The following ACSM5 variants were observed in gnomAD, a reference collection of about 807,000 sequenced individuals.
ACSM5 encodes acyl-coenzyme A synthetase ACSM5, mitochondrial.
ACSM5 carries 56 observed loss-of-function variants against 71.6 expected under a neutral mutation model. The observed-to-expected ratio is 0.78, with a 90% CI of 0.63 to 0.98. The LOEUF is 0.98. Ranked by LOEUF, ACSM5 falls within the 50% of genes least tolerant of loss-of-function variation. The pLI is 0.00. For missense variants in ACSM5, 723 were observed against 726.0 expected, an observed-to-expected ratio of 1.00 and a Z score of 0.05; for synonymous variants, 285 against 281.5, an observed-to-expected ratio of 1.01 and a Z score of -0.12.
chr16:20,438,337 G>T (rs201247314), intron 12 of ACSM5, among the ~76,000 whole-genome samples: 2 of 151,508 alleles, frequency 1.3e-5, no homozygotes, highest in East Asian at 3.9e-4. Context: ...TGGACTGCTT[G>T]CAACTGTATC....
In ACSM5 at chr16:20,437,362, G is replaced by C; in HGVS notation, c.1531G>C (p.Gly511Arg). The C allele has an allele frequency of 1.9e-6, 3 of 1,611,880 alleles. No homozygotes were observed. Among genetic ancestry groups the C allele is most frequent in the Non-Finnish European group, 2.5e-6 (3 of 1,178,286 alleles). Residue 511 changes from glycine (G) to arginine (R), a missense_variant, in exon 12 of 14, where the codon GGA (glycine) becomes CGA (arginine). Gly to Arg is a moderately radical substitution (Grantham distance 125). Transcript: ENST00000331849. ...GGTCAGCAGCCCAGACCCCATCAGG[G>C]GAGAGGTAACCAGTGCACCCAAGAA... The part of the protein sequence containing the change: ...AVVSSPDPIR[G>R]EVVKAFIVLT...
rs12921643 is a variant in ACSM5 at position 20,427,798 on chromosome 16, A to C, written c.932A>C (p.Lys311Thr). Reference sequence around the variant, plus strand: ...TTTGTTTTTGTTTAGACTCTCTCCAAATTCCCGATAACCACCCTCTGCTGT... The same window carrying C: ...TTTGTTTTTGTTTAGACTCTCTCCACATTCCCGATAACCACCCTCTGCTGT... ...DAKVILNTLSKFPITTLCCVP... is the reference protein window; with the variant it reads ...DAKVILNTLSTFPITTLCCVP... The change falls in exon 7 of 14, where the codon AAA (lysine) becomes ACA (threonine). Residue 311 changes from lysine (K) to threonine (T), a missense_variant. Physicochemically the swap from Lys to Thr is moderately conservative, Grantham distance 78 (BLOSUM62 -1). Coordinates refer to ENST00000331849, the MANE Select transcript of ACSM5 (RefSeq NM_017888.3). The C allele has an allele frequency of 9.7e-5, 156 of 1,613,362 alleles. No individual in the cohort carries two copies. The highest frequency in any genetic ancestry group is 4.1e-4 in the African/African-American group (31 of 74,884).
chr16:20,429,893 A>G (rs8062563), intron 8 of ACSM5, 92 bp downstream of exon 8: 474,524 of 1,490,290 alleles, frequency 0.32, 81,968 homozygotes, highest in African/African-American at 0.63. Context: ...CTTCTCAGGG[A>G]CCACCCTTCC....
chr16:20,419,049 A>G (rs923575738), intron 3 of ACSM5, among the ~76,000 whole-genome samples, 179 bp from the exon 4 acceptor site: 13 of 152,264 alleles, frequency 8.5e-5, no homozygotes, highest in Admixed American at 1.3e-4. Flanking sequence ...TGCTGAGTGA[A>G]TAAGTGATCA....
At chr16:20,427,001 T>C (rs1414183264) in intron 6 of ACSM5, among the ~76,000 whole-genome samples, 1 of 151,122 alleles carries the variant, frequency 6.6e-6, no homozygotes, top group African/African-American at 2.4e-5. Context: ...AGCTGGAAAA[T>C]TGCTTAAAAG....
chr16:20,419,500 G>A (rs1966869049), intron 4 of ACSM5, 65 bp downstream of exon 4: 3 of 1,477,782 alleles, frequency 2.0e-6, no homozygotes, highest in Non-Finnish European at 2.8e-6. Context: ...AACAAAAGAT[G>A]AAATGCATTG....
At position 20,416,540 on chromosome 16, in the gene ACSM5, T is replaced by C. The variant is rs113871753; in HGVS notation, c.205-1519T>C. Among the ~76,000 whole-genome samples the C allele has an allele frequency of 9.8e-3, 1,487 of 152,258 alleles. 10 individuals are homozygous for C. Among genetic ancestry groups the C allele is most frequent in the Non-Finnish European group, 0.014 (927 of 67,988 alleles). On this transcript the variant is annotated intron_variant, in intron 2 of 13. Transcript: ENST00000331849. ...GTGTGTTCACATGCAAAAGAATTAA[T>C]TGAGTCTCCTACCTGACCCTAAATA...
intron 10 of ACSM5, among the ~76,000 whole-genome samples, chr16:20,434,745 G>A (rs1462893688): frequency 6.6e-6 from 1 of 152,054 alleles, no homozygotes; most frequent in Non-Finnish European, 1.5e-5. Context: ...ATAGGCTTTG[G>A]CACTTTCTTG....
chr16:20,437,094 T>A lies in ACSM5; in HGVS notation c.1351T>A (p.Tyr451Asn). The change falls in exon 11 of 14, where the codon TAC becomes AAC. Residue 451 changes from tyrosine (Y) to asparagine (N), a missense_variant. By Grantham distance (143) the Tyr-to-Asn change is moderately radical. Coordinates refer to ENST00000331849, the MANE Select transcript of ACSM5 (RefSeq NM_017888.3). Reference sequence around the variant, plus strand: ...AGCTGCATCAGAACAAGGGGACTTTTACATCACAGGGGACCGAGCTCGCAT... The same window carrying A: ...AGCTGCATCAGAACAAGGGGACTTTAACATCACAGGGGACCGAGCTCGCAT... ...KTAASEQGDF[Y>N]ITGDRARMDK... 1.9e-6 allele frequency: 3 copies of A among 1,614,202 alleles called. No individual in the cohort carries two copies. The highest frequency in any genetic ancestry group is 2.5e-6 in the Non-Finnish European group (3 of 1,180,032).
At chr16:20,429,340 C>T (rs1163258616) in intron 7 of ACSM5, among the ~76,000 whole-genome samples, 1 of 150,010 alleles carries the variant, frequency 6.7e-6, no homozygotes, top group Non-Finnish European at 1.5e-5. Context: ...ATTCATCTAT[C>T]CTTTTCAATC....
Position 20,431,439 on chromosome 16 carries a change from A to G in ACSM5, c.1308+118A>G, listed in dbSNP as rs534667927. 2.1e-4 allele frequency: 163 copies of G among 779,908 alleles called. No homozygotes were observed. The African/African-American group carries it at 2.6e-3, about 13-fold the overall frequency. The allele number at this position is 779,908 out of a possible 1,614,324, so 48.3% of individuals were successfully genotyped here. On this transcript the variant is annotated intron_variant, in intron 10 of 13. Transcript: ENST00000331849. ...CAATGACTGCATGAGGTAGGTTGCT[A>G]CTATTATTAATAAAGTTCTGTTATT...
intron 4 of ACSM5, 103 bp from the exon 5 acceptor site, chr16:20,421,155 G>A: frequency 7.2e-7 from 1 of 1,390,854 alleles, no homozygotes; most frequent in East Asian, 2.6e-5. Context: ...CACCTCACAT[G>A]TGGTATTTAT....
At chr16:20,418,904 A>G (rs1385244427) in intron 3 of ACSM5, among the ~76,000 whole-genome samples, 1 of 152,182 alleles carries the variant, frequency 6.6e-6, no homozygotes, top group Non-Finnish European at 1.5e-5. Flanking sequence ...TATCCCTTGC[A>G]GGAGGTTAGG....
chr16:20,422,373 G>C (rs1966896858), intron 5 of ACSM5, among the ~76,000 whole-genome samples: 1 of 152,158 alleles, frequency 6.6e-6, no homozygotes, highest in Non-Finnish European at 1.5e-5. Flanking sequence ...GCCTCTCAAA[G>C]TGCTGGGATT....
intron 2 of ACSM5, among the ~76,000 whole-genome samples, chr16:20,413,714 G>A (rs114695348): frequency 3.9e-5 from 6 of 152,276 alleles, no homozygotes; most frequent in African/African-American, 7.2e-5. Context: ...CTTTGCACAC[G>A]CTTAGAAAAG....
At chr16:20,432,699 C>T (rs1967123011) in intron 10 of ACSM5, among the ~76,000 whole-genome samples, 1 of 152,110 alleles carries the variant, frequency 6.6e-6, no homozygotes, top group Admixed American at 6.5e-5. Context: ...GTACTTACTG[C>T]ACTTGTACAC....
chr16:20,437,176 C>T lies in ACSM5; in HGVS notation c.1433C>T (p.Ser478Leu), dbSNP rs764111628. 1 of 1,614,180 alleles carries T rather than the reference C, an allele frequency of 6.2e-7. No individual in the cohort carries two copies. Among genetic ancestry groups the T allele is most frequent in the East Asian group, 2.2e-5 (1 of 44,872 alleles). Residue 478 changes from serine to leucine, a missense_variant, in exon 11 of 14, where the codon TCA becomes TTA. Transcript: ENST00000331849. Reference protein sequence around the residue: ...MGRNDDVINSSSYRIGPVEVE... With the variant: ...MGRNDDVINSLSYRIGPVEVE... ...AGAAACGACGATGTGATCAATTCTTCAAGGTCAAGCTGTCTGCACTTTCCT... is the reference window on the plus strand; with the variant it reads ...AGAAACGACGATGTGATCAATTCTTTAAGGTCAAGCTGTCTGCACTTTCCT...
intron 1 of ACSM5, among the ~76,000 whole-genome samples, chr16:20,411,149 T>C (rs1290811756): frequency 6.6e-6 from 1 of 152,238 alleles, no homozygotes; most frequent in Non-Finnish European, 1.5e-5. Context: ...TCTTCAGCTT[T>C]GCAAGGTCAG....
At chr16:20,426,155 C>G (rs1966974158) in intron 6 of ACSM5, among the ~76,000 whole-genome samples, 1 of 152,060 alleles carries the variant, frequency 6.6e-6, no homozygotes, top group Non-Finnish European at 1.5e-5. Context: ...ACATGGTGGA[C>G]CAAATATAGT....
Sources: gnomAD v4.1 joint callset for allele counts (sites outside exome capture counted in the v4.1 genomes callset) on GRCh38, gnomAD v4.1.1 for gene constraint, MANE v1.5 for transcripts, NCBI Gene and HGNC (gene_info 2026-07-23, HGNC 2026-07-21) for gene names.